DIAPH1: variants seen among roughly 807,000 people sequenced by gnomAD.
DIAPH1 encodes diaphanous related formin 1.
A neutral mutation model predicts 140.7 loss-of-function variants in DIAPH1; 46 were observed. The observed-to-expected ratio is 0.33, with a 90% CI of 0.26 to 0.42. The LOEUF (loss-of-function observed/expected upper bound fraction) is 0.42. Ranked by LOEUF, DIAPH1 falls within the 10% of genes least tolerant of loss-of-function variation. DIAPH1 has a pLI of 1.00. For missense variants in DIAPH1, 1,310 were observed against 1,558.7 expected (o/e 0.84, Z 2.69); for synonymous variants, 565 against 551.6 (o/e 1.02, Z -0.34).
intron 18 of DIAPH1, among the ~76,000 whole-genome samples, chr5:141,553,493 T>C (rs2099892069): frequency 6.6e-6 from 1 of 151,058 alleles, no homozygotes; most frequent in Non-Finnish European, 1.5e-5. Context: ...TACAAAAAAT[T>C]AGCCAGGCGT....
intron 18 of DIAPH1, among the ~76,000 whole-genome samples, chr5:141,555,364 T>C (rs1352614542): frequency 2.0e-5 from 3 of 152,190 alleles, no homozygotes; most frequent in Non-Finnish European, 2.9e-5. Flanking sequence ...TGGTTCAACT[T>C]TGACGGTGGG....
chr5:141,579,293 A>G, intron 8 of DIAPH1, 97 bp from the exon 9 acceptor site: 1 of 890,972 alleles, frequency 1.1e-6, no homozygotes, highest in Admixed American at 1.7e-5. Flanking sequence ...CGATTAGGAA[A>G]CAGGACATTA....
At chr5:141,555,075 T>TA (rs1323571966) in intron 18 of DIAPH1, among the ~76,000 whole-genome samples, 1 of 152,172 alleles carries the variant, frequency 6.6e-6, no homozygotes, top group Admixed American at 6.5e-5. Flanking sequence ...TAATGCTGCA[T>TA]AATGAGTTGT....
chr5:141,616,493 A>C (rs2099902696), intron 1 of DIAPH1, among the ~76,000 whole-genome samples: 2 of 152,250 alleles, frequency 1.3e-5, no homozygotes, highest in Admixed American at 1.3e-4. Flanking sequence ...AAGAAAACTA[A>C]GCCACGGGTA....
chr5:141,574,914 C>A, intron 15 of DIAPH1, 53 bp downstream of exon 15: 1 of 1,602,630 alleles, frequency 6.2e-7, no homozygotes, highest in African/African-American at 1.3e-5. Context: ...CTGTTCCAAG[C>A]CATGTGCATC....
In DIAPH1 at chr5:141,570,090, A is replaced by G. The variant is rs540042046; in HGVS notation, c.2482+1338T>C. On this transcript the variant is annotated intron_variant, in intron 18 of 27. Coordinates refer to ENST00000389054, the MANE Select transcript of DIAPH1 (RefSeq NM_005219.5). ...GAATATAATGCCAAGGAAGACCACT[A>G]AACTGTATAAAACCCAACTAGAATT... Among the ~76,000 whole-genome samples the G allele has an allele frequency of 2.6e-5, 4 of 152,236 alleles. No individual in the cohort carries two copies. The South Asian group carries it at 8.3e-4, about 32-fold the overall frequency.
At chr5:141,525,940 G>A (rs1470611029) in intron 26 of DIAPH1, 98 bp downstream of exon 26, 4 of 1,586,908 alleles carry the variant, frequency 2.5e-6, no homozygotes, top group East Asian at 2.2e-5. Context: ...CATTTGCCAG[G>A]AGGTGAGCTC....
intron 1 of DIAPH1, among the ~76,000 whole-genome samples, chr5:141,595,934 G>A (rs901123941): frequency 9.2e-5 from 14 of 152,064 alleles, no homozygotes; most frequent in Admixed American, 5.9e-4. Flanking sequence ...CTGTAATCCC[G>A]GCACTTTGGG....
intron 1 of DIAPH1, among the ~76,000 whole-genome samples, chr5:141,596,347 A>G (rs1397504189): frequency 6.6e-6 from 1 of 151,844 alleles, no homozygotes; most frequent in Non-Finnish European, 1.5e-5. Flanking sequence ...AAAAAAAGTA[A>G]TAATAATTAG....
intron 18 of DIAPH1, chr5:141,564,363 A>G (rs893803381): frequency 1.3e-5 from 2 of 152,238 alleles, no homozygotes; most frequent in African/African-American, 4.8e-5. Context: ...CAAACGCAAC[A>G]ATGACACATC....
At chr5:141,591,314 G>A (rs1207351166) in intron 1 of DIAPH1, among the ~76,000 whole-genome samples, 1 of 151,912 alleles carries the variant, frequency 6.6e-6, no homozygotes, top group Non-Finnish European at 1.5e-5. Flanking sequence ...CACTAAAAAT[G>A]GATTACAATT....
intron 1 of DIAPH1, 102 bp from the exon 2 acceptor site, chr5:141,588,352 T>A: frequency 1.2e-6 from 1 of 844,832 alleles, no homozygotes; most frequent in Non-Finnish European, 2.0e-6. Flanking sequence ...GGGAGAGAAG[T>A]TGAAAGGATC....
chr5:141,591,712 A>ATT (rs1554211013), intron 1 of DIAPH1, among the ~76,000 whole-genome samples: 2 of 71,674 alleles, frequency 2.8e-5, no homozygotes, highest in South Asian at 4.6e-4. Context: ...ATATATATAT[A>ATT]TATATATATA....
chr5:141,603,807 C>T (rs750978900), intron 1 of DIAPH1, among the ~76,000 whole-genome samples: 4 of 152,152 alleles, frequency 2.6e-5, no homozygotes, highest in Non-Finnish European at 5.9e-5. Flanking sequence ...CAAAGTATCA[C>T]TTCTCTAATA....
intron 18 of DIAPH1, among the ~76,000 whole-genome samples, chr5:141,562,352 G>A (rs2154595988): frequency 6.6e-6 from 1 of 152,000 alleles, no homozygotes; most frequent in Middle Eastern, 3.4e-3. Context: ...CTGATACGAA[G>A]ACTCTCCAGG....
chr5:141,534,460 T>C (rs559271636), intron 18 of DIAPH1, 27 bp from the exon 19 acceptor site: 12 of 1,596,122 alleles, frequency 7.5e-6, no homozygotes, highest in Middle Eastern at 1.7e-4. Context: ...TAGAAAAGCA[T>C]GATTAAAAGT....
At chr5:141,527,756 T>A in intron 23 of DIAPH1, 59 bp from the exon 24 acceptor site, 1 of 1,497,246 alleles carries the variant, frequency 6.7e-7, no homozygotes, top group South Asian at 1.3e-5. Flanking sequence ...TTACTAATAA[T>A]CCCAGCCTCA....
intron 18 of DIAPH1, 83 bp from the exon 19 acceptor site, chr5:141,534,516 T>C: frequency 9.3e-7 from 1 of 1,074,576 alleles, no homozygotes; most frequent in South Asian, 1.3e-5. Flanking sequence ...CAGCGTGAAA[T>C]GGCCCCTCAC....
chr5:141,618,941 C>G lies in DIAPH1; in HGVS notation c.-27G>C. 1 of 1,368,752 alleles carries G rather than the reference C, an allele frequency of 7.3e-7. No homozygotes were observed. The highest frequency in any genetic ancestry group is 9.8e-7 in the Non-Finnish European group (1 of 1,021,304). 84.8% of individuals were successfully genotyped at this position (1,368,752 alleles called of 1,614,324 possible). On this transcript the variant is annotated 5_prime_UTR_variant, in exon 1 of 28. Transcript: ENST00000389054. ...TCCCGGTTCACGCTGGCCGGCGACC[C>G]CGCGCCTACGCCGCTCCCGCCTGGC...
Sources: gnomAD v4.1 joint callset for allele counts (sites outside exome capture counted in the v4.1 genomes callset) on GRCh38, gnomAD v4.1.1 for gene constraint, MANE v1.5 for transcripts, NCBI Gene and HGNC (gene_info 2026-07-23, HGNC 2026-07-21) for gene names.